Variants in CAMTA1 observed in about 807,000 individuals in gnomAD.
CAMTA1 encodes calmodulin-binding transcription activator 1.
A neutral mutation model predicts 170.9 loss-of-function variants in CAMTA1; 27 were observed. The observed-to-expected ratio is 0.16, with a 90% CI of 0.12 to 0.22. The LOEUF is 0.22. Ranked by LOEUF, CAMTA1 falls within the 10% of genes least tolerant of loss-of-function variation. The pLI, the probability that CAMTA1 is intolerant of heterozygous loss-of-function variation, is 1.00. For missense variants in CAMTA1, 1,619 were observed against 2,217.2 expected (o/e 0.73, Z 5.42); for synonymous variants, 833 against 891.5 (o/e 0.93, Z 1.17).
intron 5 of CAMTA1, among the ~76,000 whole-genome samples, chr1:7,454,733 G>A (rs577169335): frequency 1.1e-3 from 169 of 152,228 alleles, no homozygotes; most frequent in Middle Eastern, 6.8e-3. Context: ...AGTGCTGGGC[G>A]GGAGGCCTCA....
At chr1:6,869,291 A>G (rs1162335833) in intron 3 of CAMTA1, among the ~76,000 whole-genome samples, 2 of 152,202 alleles carry the variant, frequency 1.3e-5, no homozygotes, top group African/African-American at 4.8e-5. Flanking sequence ...TTTGTATCCA[A>G]AGTTAAGACT....
At chr1:6,954,298 A>T (rs1191669956) in intron 3 of CAMTA1, among the ~76,000 whole-genome samples, 1 of 152,188 alleles carries the variant, frequency 6.6e-6, no homozygotes, top group African/African-American at 2.4e-5. Context: ...ACTTGATGTC[A>T]GTTCCCCAGC....
chr1:7,725,173 G>A (rs2096676230), intron 11 of CAMTA1, among the ~76,000 whole-genome samples: 1 of 152,240 alleles, frequency 6.6e-6, no homozygotes, highest in African/African-American at 2.4e-5. Context: ...GCGCGTGCAT[G>A]TCTGGAAGGT....
chr1:6,978,128 T>C (rs1351056737), intron 3 of CAMTA1, among the ~76,000 whole-genome samples: 1 of 152,056 alleles, frequency 6.6e-6, no homozygotes, highest in African/African-American at 2.4e-5. Context: ...AAAATAGTTA[T>C]AATAGAATGA....
intron 6 of CAMTA1, among the ~76,000 whole-genome samples, chr1:7,601,208 C>T (rs2095439205): frequency 1.3e-5 from 2 of 151,254 alleles, no homozygotes; most frequent in Admixed American, 1.3e-4. Context: ...GGCGGAGACG[C>T]TCCTCACTTC....
chr1:7,007,211 C>T lies in CAMTA1; in HGVS notation c.235-84093C>T, dbSNP rs1040735411. 1.1e-4 allele frequency among the ~76,000 whole-genome samples: 17 copies of T among 152,054 alleles called. No homozygotes were observed. Among genetic ancestry groups the T allele is most frequent in the African/African-American group, 3.1e-4 (13 of 41,386 alleles). ...AAGGAACTGATCACATAGGATCTCA[C>T]GTGGGGAGCATCGACCAGGAGAGGG... On this transcript the variant is annotated intron_variant, in intron 3 of 22. Transcript: ENST00000303635. The surrounding 1 kb of genome is among the most constrained non-coding windows in gnomAD (Gnocchi z 4.5).
chr1:6,949,261 G>A (rs1688056355), intron 3 of CAMTA1, among the ~76,000 whole-genome samples: 1 of 152,264 alleles, frequency 6.6e-6, no homozygotes, highest in South Asian at 2.1e-4. Flanking sequence ...TCCTCGAACT[G>A]TTGGAATTTC....
chr1:7,660,730 A>T (rs1232727486), intron 7 of CAMTA1, among the ~76,000 whole-genome samples: 3 of 152,132 alleles, frequency 2.0e-5, no homozygotes, highest in Non-Finnish European at 4.4e-5. Flanking sequence ...GAGGAAGGAC[A>T]TTGCTCTTGT....
chr1:7,131,777 C>A (rs573337842), intron 4 of CAMTA1, among the ~76,000 whole-genome samples: 3 of 151,902 alleles, frequency 2.0e-5, no homozygotes, highest in African/African-American at 7.3e-5. Flanking sequence ...AATTTTGGGC[C>A]GGGCTTGGTG....
intron 3 of CAMTA1, among the ~76,000 whole-genome samples, chr1:6,847,870 T>C (rs1658872444): frequency 1.5e-5 from 1 of 67,274 alleles, no homozygotes; most frequent in Non-Finnish European, 3.4e-5. Flanking sequence ...ACCCAGCTAA[T>C]TTTTTTTTTT....
intron 6 of CAMTA1, among the ~76,000 whole-genome samples, chr1:7,468,941 C>T (rs1008218098): frequency 6.6e-6 from 1 of 152,186 alleles, no homozygotes; most frequent in African/African-American, 2.4e-5. Context: ...CTGATGGCCA[C>T]AGGAGAGCTG....
At chr1:6,944,806 C>T (rs574843947) in intron 3 of CAMTA1, among the ~76,000 whole-genome samples, 1 of 152,214 alleles carries the variant, frequency 6.6e-6, no homozygotes, top group Non-Finnish European at 1.5e-5. Context: ...AAGTGATACG[C>T]ATTCAGTAGA....
At chr1:7,247,655 C>G (rs980521997) in intron 4 of CAMTA1, among the ~76,000 whole-genome samples, 2 of 152,122 alleles carry the variant, frequency 1.3e-5, no homozygotes, top group African/African-American at 4.8e-5. Flanking sequence ...AAACAAGTTC[C>G]CTTGCTTATT....
At chr1:6,944,563 C>T (rs1220567394) in intron 3 of CAMTA1, among the ~76,000 whole-genome samples, 1 of 152,152 alleles carries the variant, frequency 6.6e-6, no homozygotes, top group East Asian at 1.9e-4. Flanking sequence ...GCCTGGACAC[C>T]CTTCCCCAGG....
rs958533980 is a variant in CAMTA1, at chr1:6,877,622, C to T, written c.234+52412C>T. On this transcript the variant is annotated intron_variant, in intron 3 of 22. Transcript: ENST00000303635. ...TGCTCCTCAGAATCCTAGAATTAGACGAGATTTTCCACTTTCCGCACACAT... is the reference window on the plus strand; with the variant it reads ...TGCTCCTCAGAATCCTAGAATTAGATGAGATTTTCCACTTTCCGCACACAT... 5.2e-4 allele frequency among the ~76,000 whole-genome samples: 79 copies of T among 152,118 alleles called. 1 individual carries two copies. The highest frequency in any genetic ancestry group is 4.5e-3 in the Admixed American group (68 of 15,274).
chr1:6,809,599 T>C (rs963458362), intron 1 of CAMTA1, among the ~76,000 whole-genome samples: 1 of 152,076 alleles, frequency 6.6e-6, no homozygotes, highest in Non-Finnish European at 1.5e-5. Context: ...ACAGTACCTT[T>C]GCAACCAATG....
At chr1:7,096,591 C>T (rs1165713806) in intron 4 of CAMTA1, among the ~76,000 whole-genome samples, 1 of 152,184 alleles carries the variant, frequency 6.6e-6, no homozygotes, top group Non-Finnish European at 1.5e-5. Flanking sequence ...GAGCATACAA[C>T]TTGGACTCCA....
chr1:7,193,342 ACT>A (rs1467652659), intron 4 of CAMTA1, among the ~76,000 whole-genome samples: 1 of 148,378 alleles, frequency 6.7e-6, no homozygotes, highest in Admixed American at 6.7e-5. Context: ...ACAGAGTGAG[ACT>A]CTGTCTCAAA....
intron 22 of CAMTA1, among the ~76,000 whole-genome samples, chr1:7,765,729 A>G (rs2097016479): frequency 6.6e-6 from 1 of 152,206 alleles, no homozygotes; most frequent in Non-Finnish European, 1.5e-5. Context: ...ATCCCTAGAT[A>G]TATTAAAAGC....
Sources: gnomAD v4.1 joint callset for allele counts (sites outside exome capture counted in the v4.1 genomes callset) on GRCh38, gnomAD v4.1.1 for gene constraint, Gnocchi (gnomAD v3.1) non-coding constraint, MANE v1.5 for transcripts, NCBI Gene and HGNC (gene_info 2026-07-23, HGNC 2026-07-21) for gene names.